The following PCCA variants were observed in gnomAD, a reference collection of about 807,000 sequenced individuals.
PCCA encodes the protein propionyl-CoA carboxylase subunit alpha, also known as propionyl-CoA carboxylase alpha chain, mitochondrial.
In PCCA, 74 loss-of-function variants were observed where a neutral mutation model predicts 101.3. That is an observed-to-expected ratio of 0.73 (90% confidence interval 0.61 to 0.89). The LOEUF is 0.89. Among genes scored for constraint, PCCA ranks in the 40% least tolerant of loss-of-function variants. The pLI is 0.00. For missense variants in PCCA, 891 were observed against 907.0 expected (o/e 0.98, Z 0.23); for synonymous variants, 294 against 313.6 (o/e 0.94, Z 0.66).
At chr13:100,308,486 G>A (rs939932970) in intron 15 of PCCA, among the ~76,000 whole-genome samples, 1 of 151,838 alleles carries the variant, frequency 6.6e-6, no homozygotes, top group Non-Finnish European at 1.5e-5. Flanking sequence ...TACCATGCAG[G>A]GCTATTTTTT....
intron 10 of PCCA, among the ~76,000 whole-genome samples, chr13:100,264,530 A>G (rs908966837): frequency 6.6e-6 from 1 of 152,084 alleles, no homozygotes; most frequent in Non-Finnish European, 1.5e-5. Flanking sequence ...ACACATCATC[A>G]TATCTTTGAG....
chr13:100,268,649 G>C (rs1297579326), intron 10 of PCCA, 40 bp from the exon 11 acceptor site: 1 of 1,370,832 alleles, frequency 7.3e-7, no homozygotes, highest in African/African-American at 1.4e-5. Flanking sequence ...TACTTTGTGG[G>C]TGTGGTTATA....
At chr13:100,269,474 G>A (rs913664980) in intron 11 of PCCA, among the ~76,000 whole-genome samples, 1 of 152,124 alleles carries the variant, frequency 6.6e-6, no homozygotes, top group African/African-American at 2.4e-5. Flanking sequence ...ACCATGAAAG[G>A]CTTCTGGAGT....
At chr13:100,405,095 A>T (rs978830541) in intron 19 of PCCA, among the ~76,000 whole-genome samples, 2 of 152,180 alleles carry the variant, frequency 1.3e-5, no homozygotes, top group African/African-American at 4.8e-5. Flanking sequence ...AAGGGAGAGG[A>T]AAGCATGTCT....
intron 6 of PCCA, among the ~76,000 whole-genome samples, chr13:100,186,770 A>C (rs2057315077): frequency 1.3e-5 from 2 of 151,962 alleles, no homozygotes; most frequent in Non-Finnish European, 2.9e-5. Flanking sequence ...AGAAAATACA[A>C]AATAGGGATA....
chr13:100,422,102 C>CTTTATTTCTTTCTTCCTTTCT, intron 19 of PCCA, among the ~76,000 whole-genome samples: 1 of 120,208 alleles, frequency 8.3e-6, no homozygotes, highest in Non-Finnish European at 1.7e-5. Context: ...TTCTTTCTTT[C>CTTTATTTCTTTCTTCCTTTCT]TTTCTTTCTT....
Position 100,465,120 on chromosome 13 carries a change from G to A in PCCA, c.1899+15815G>A, listed in dbSNP as rs1470009456. Among the ~76,000 whole-genome samples the A allele has an allele frequency of 3.3e-5, 5 of 152,164 alleles. No homozygotes were observed. The South Asian group carries it at 8.3e-4, about 25-fold the overall frequency. On this transcript the variant is annotated intron_variant, in intron 21 of 23. Transcript: ENST00000376285. Reference sequence around the variant, plus strand: ...CTCAAGTTTTATCATGCCTGAGGATGACCAGGAAATCCTGGTGAAAATACA... The same window carrying A: ...CTCAAGTTTTATCATGCCTGAGGATAACCAGGAAATCCTGGTGAAAATACA...
chr13:100,328,348 G>A (rs1280331023), intron 16 of PCCA, among the ~76,000 whole-genome samples: 9 of 148,782 alleles, frequency 6.0e-5, no homozygotes, highest in Admixed American at 5.4e-4. Context: ...GGGCGATAGA[G>A]TGAGACCCTG....
chr13:100,458,294 TACACACAC>T (rs57961819), intron 21 of PCCA, among the ~76,000 whole-genome samples: 3,487 of 86,310 alleles, frequency 0.04, 157 homozygotes, highest in African/African-American at 0.1. Flanking sequence ...ACCCCATCTC[TACACACAC>T]ACACACACAC....
chr13:100,331,974 C>A (rs1167797124), intron 17 of PCCA, among the ~76,000 whole-genome samples: 2 of 90,688 alleles, frequency 2.2e-5, no homozygotes, highest in Non-Finnish European at 4.1e-5. Flanking sequence ...GAGTTTTGCT[C>A]TTTTGCCCAG....
chr13:100,127,667 C>T (rs911294027), intron 4 of PCCA, among the ~76,000 whole-genome samples: 10 of 151,508 alleles, frequency 6.6e-5, no homozygotes, highest in African/African-American at 1.9e-4. Flanking sequence ...CCGAGGCAGG[C>T]GGATCATGAG....
At chr13:100,346,740 T>C (rs991978821) in intron 18 of PCCA, among the ~76,000 whole-genome samples, 1 of 152,210 alleles carries the variant, frequency 6.6e-6, no homozygotes, top group Non-Finnish European at 1.5e-5. Context: ...TTTATTGTTG[T>C]CTTATTTTAA....
intron 16 of PCCA, among the ~76,000 whole-genome samples, chr13:100,327,524 G>C (rs1037810113): frequency 2.1e-4 from 32 of 152,304 alleles, no homozygotes; most frequent in Admixed American, 4.6e-4. Context: ...AAATAAAGCT[G>C]CTATTAACCT....
intron 19 of PCCA, among the ~76,000 whole-genome samples, chr13:100,382,086 A>C (rs2152829841): frequency 6.6e-6 from 1 of 152,358 alleles, no homozygotes; most frequent in African/African-American, 2.4e-5. Flanking sequence ...GGGCCAGCGT[A>C]ACAACCTTTT....
chr13:100,441,768 T>C (rs1427567430), intron 20 of PCCA, among the ~76,000 whole-genome samples: 2 of 152,192 alleles, frequency 1.3e-5, no homozygotes, highest in African/African-American at 4.8e-5. Context: ...AATTTTGCTA[T>C]TAGCATATCA....
At chr13:100,206,834 G>C (rs1307967175) in intron 6 of PCCA, among the ~76,000 whole-genome samples, 2 of 152,160 alleles carry the variant, frequency 1.3e-5, no homozygotes, top group African/African-American at 2.4e-5. Flanking sequence ...CTTCATGTGA[G>C]AGATGCCCTT....
intron 7 of PCCA, among the ~76,000 whole-genome samples, chr13:100,232,351 C>CGTGTGTGTGTGTGTGTGTGTGT (rs375554722): frequency 2.3e-5 from 3 of 131,180 alleles, no homozygotes; most frequent in Non-Finnish European, 3.3e-5. Context: ...TGTGTGTATG[C>CGTGTGTGTGTGTGTGTGTGTGT]GTGTGTGTGT....
intron 8 of PCCA, among the ~76,000 whole-genome samples, chr13:100,249,101 T>C (rs1263914419): frequency 6.6e-6 from 1 of 152,222 alleles, no homozygotes; most frequent in African/African-American, 2.4e-5. Flanking sequence ...GAAATTTTTA[T>C]TTTAATGAAG....
At chr13:100,261,779 T>C (rs940853721) in intron 9 of PCCA, among the ~76,000 whole-genome samples, 30 of 152,356 alleles carry the variant, frequency 2.0e-4, no homozygotes, top group African/African-American at 7.2e-4. Flanking sequence ...TTATAATTAC[T>C]ATTTTTGATC....
Sources: allele counts gnomAD v4.1 joint callset (sites outside exome capture counted in the v4.1 genomes callset), GRCh38; gene constraint gnomAD v4.1.1; transcripts MANE v1.5; gene names NCBI Gene and HGNC (gene_info 2026-07-23, HGNC 2026-07-21).